SGCZ: variants seen among roughly 807,000 people sequenced by gnomAD.
The protein encoded by SGCZ is sarcoglycan zeta, also known as zeta-sarcoglycan.
In SGCZ, 40 loss-of-function variants were observed where a neutral mutation model predicts 41.3. That is an observed-to-expected ratio of 0.97 (90% CI 0.75 to 1.26). The LOEUF (loss-of-function observed/expected upper bound fraction) is 1.26, where lower values mean the gene tolerates loss of function less well. SGCZ is among the 50% of genes most tolerant of loss of function. The probability of loss-of-function intolerance (pLI) is 0.00; values close to 1 mark genes in which losing one functional copy is unlikely to be tolerated. For synonymous variants in SGCZ, 206 were observed against 137.5 expected, an observed-to-expected ratio of 1.50 and a Z score of -3.49; for missense variants, 552 against 369.8, an observed-to-expected ratio of 1.49 and a Z score of -4.04.
chr8:14,325,933 A>C (rs944193795), intron 2 of SGCZ, among the ~76,000 whole-genome samples: 1 of 148,820 alleles, frequency 6.7e-6, no homozygotes, highest in African/African-American at 2.5e-5. Flanking sequence ...TAACACGGTG[A>C]AACCCTGTCT....
At chr8:14,654,398 C>G (rs986516895) in intron 1 of SGCZ, among the ~76,000 whole-genome samples, 1 of 151,838 alleles carries the variant, frequency 6.6e-6, no homozygotes, top group Non-Finnish European at 1.5e-5. Context: ...AGATGATGGT[C>G]ATGAAAATAA....
chr8:14,368,568 C>T (rs932895057), intron 2 of SGCZ, among the ~76,000 whole-genome samples: 1 of 152,014 alleles, frequency 6.6e-6, no homozygotes, highest in African/African-American at 2.4e-5. Flanking sequence ...GGACGTTGTA[C>T]ATTAAATAGA....
rs186292928 is a variant in SGCZ at position 14,754,431 on chromosome 8, T to A, written c.40-199505A>T. 4.1e-3 allele frequency among the ~76,000 whole-genome samples: 626 copies of A among 152,286 alleles called. 4 individuals are homozygous for A. Among genetic ancestry groups the A allele is most frequent in the African/African-American group, 0.014 (600 of 41,568 alleles). ...TAATAAGCATTTTTGTATGTGGACA[T>A]ATGTATATGTGTTATATAATATTTA... On this transcript the variant is annotated intron_variant, in intron 1 of 7. Coordinates refer to ENST00000382080, the MANE Select transcript of SGCZ (RefSeq NM_139167.4).
At position 14,795,539 on chromosome 8, in the gene SGCZ, C is replaced by T. The variant is rs544670606; in HGVS notation, c.40-240613G>A. Among the ~76,000 whole-genome samples the T allele has an allele frequency of 6.6e-5, 10 of 152,166 alleles. No homozygotes were observed. In the South Asian group the frequency reaches 1.5e-3, roughly 22 times the overall value. Reference sequence around the variant, plus strand: ...CTTACTGCAGCCTCCACCTCCTAGACACAAGGAAGCGTTCCACCTCAGCCT... The same window carrying T: ...CTTACTGCAGCCTCCACCTCCTAGATACAAGGAAGCGTTCCACCTCAGCCT... On this transcript the variant is annotated intron_variant, in intron 1 of 7. Coordinates refer to ENST00000382080, the MANE Select transcript of SGCZ (RefSeq NM_139167.4).
At chr8:14,481,306 G>A (rs1032236342) in intron 2 of SGCZ, among the ~76,000 whole-genome samples, 5 of 152,170 alleles carry the variant, frequency 3.3e-5, no homozygotes, top group African/African-American at 1.2e-4. Context: ...TGTCAGAAAA[G>A]TTATAGAACA....
chr8:14,655,452 A>G (rs1484565465), intron 1 of SGCZ, among the ~76,000 whole-genome samples: 1 of 152,146 alleles, frequency 6.6e-6, no homozygotes, highest in Non-Finnish European at 1.5e-5. Flanking sequence ...CAATTGTTTT[A>G]TGGGAATGAC....
intron 1 of SGCZ, among the ~76,000 whole-genome samples, chr8:14,565,316 T>C (rs1280038576): frequency 6.6e-6 from 1 of 152,120 alleles, no homozygotes; most frequent in East Asian, 1.9e-4. Flanking sequence ...GCAATGACTT[T>C]TTTTTTTTGA....
At chr8:15,195,921 G>T (rs1413396786) in intron 1 of SGCZ, among the ~76,000 whole-genome samples, 2 of 113,144 alleles carry the variant, frequency 1.8e-5, no homozygotes, top group Non-Finnish European at 3.6e-5. Context: ...TTTTTGAGAC[G>T]GAGTCTCGCT....
chr8:14,528,832 AAAAAAC>A (rs1303617679), intron 2 of SGCZ, among the ~76,000 whole-genome samples: 1 of 97,562 alleles, frequency 1.0e-5, no homozygotes, highest in Admixed American at 1.1e-4. Context: ...CCAGCCAAAA[AAAAAAC>A]AAAACAAAAA....
intron 5 of SGCZ, among the ~76,000 whole-genome samples, chr8:14,146,723 T>G (rs1288453300): frequency 6.7e-6 from 1 of 150,206 alleles, no homozygotes; most frequent in African/African-American, 2.5e-5. Context: ...ATACAAAAAA[T>G]TAGCCGGGCG....
At chr8:15,136,024 G>T (rs1209062626) in intron 1 of SGCZ, among the ~76,000 whole-genome samples, 1 of 152,130 alleles carries the variant, frequency 6.6e-6, no homozygotes, top group Non-Finnish European at 1.5e-5. Flanking sequence ...CATGGAAAGG[G>T]GCAACAGCTT....
At position 14,929,978 on chromosome 8, in the gene SGCZ, C is replaced by G. The variant is rs1033959125; in HGVS notation, c.39+307607G>C. ...AAAACTTGGATGTTCAGTACAATTT[C>G]TCATAATCAAGATAAATCCTGACAT... is the stretch of plus-strand genomic sequence containing the variant. On this transcript the variant is annotated intron_variant, in intron 1 of 7. Coordinates refer to ENST00000382080, the MANE Select transcript of SGCZ (RefSeq NM_139167.4). Among the ~76,000 whole-genome samples, 44 of 151,930 alleles carry G rather than the reference C, an allele frequency of 2.9e-4. 1 individual carries two copies. The highest frequency in any genetic ancestry group is 1.0e-3 in the African/African-American group (43 of 41,246).
intron 1 of SGCZ, among the ~76,000 whole-genome samples, chr8:14,557,475 GCT>G (rs754590323): frequency 6.6e-6 from 1 of 151,920 alleles, no homozygotes; most frequent in Non-Finnish European, 1.5e-5. Context: ...TTGCTTTTGG[GCT>G]CTTAGTCATG....
chr8:14,850,985 T>A (rs1172759464), intron 1 of SGCZ, among the ~76,000 whole-genome samples: 1 of 152,176 alleles, frequency 6.6e-6, no homozygotes, highest in Non-Finnish European at 1.5e-5. Flanking sequence ...GGGCAATTCT[T>A]CATAGCTGTA....
At chr8:14,174,587 G>C (rs1804486602) in intron 4 of SGCZ, among the ~76,000 whole-genome samples, 1 of 152,086 alleles carries the variant, frequency 6.6e-6, no homozygotes, top group Admixed American at 6.6e-5. Context: ...GCGCATCTTA[G>C]TGAATATGCA....
intron 1 of SGCZ, among the ~76,000 whole-genome samples, chr8:14,942,401 T>C (rs1405130765): frequency 6.6e-6 from 1 of 152,150 alleles, no homozygotes; most frequent in Non-Finnish European, 1.5e-5. Context: ...TTAGTAGCAG[T>C]TAGCAATTAA....
chr8:14,769,793 T>TAAAAAAAAAAAAAAAAC (rs1800171400), intron 1 of SGCZ, among the ~76,000 whole-genome samples: 1 of 52,196 alleles, frequency 1.9e-5, no homozygotes, highest in East Asian at 5.3e-4. Context: ...AAAACACCAT[T>TAAAAAAAAAAAAAAAAC]AAAAAAAAAA....
intron 1 of SGCZ, among the ~76,000 whole-genome samples, chr8:15,211,042 G>GATATAGATAGATATAGATATACATAGAT (rs1801219624): frequency 6.8e-6 from 1 of 146,998 alleles, no homozygotes; most frequent in African/African-American, 2.6e-5. Flanking sequence ...TATAGATATA[G>GATATAGATAGATATAGATATACATAGAT]ATATAGATAG....
intron 1 of SGCZ, among the ~76,000 whole-genome samples, chr8:14,852,514 G>C (rs1033183589): frequency 6.6e-6 from 1 of 152,140 alleles, no homozygotes; most frequent in African/African-American, 2.4e-5. Flanking sequence ...AACAAAAGTT[G>C]CCATCGAGTA....
Sources: allele counts gnomAD v4.1 joint callset (sites outside exome capture counted in the v4.1 genomes callset), GRCh38; gene constraint gnomAD v4.1.1; transcripts MANE v1.5; gene names NCBI Gene and HGNC (gene_info 2026-07-23, HGNC 2026-07-21).